Variants in DNAH1 observed in about 807,000 individuals in gnomAD.
The protein encoded by DNAH1 is axonemal beta dynein heavy chain 1.
In DNAH1, 327 loss-of-function variants were observed where a neutral mutation model predicts 484.3. The observed-to-expected ratio is 0.68, with a 90% CI of 0.62 to 0.74. The LOEUF (loss-of-function observed/expected upper bound fraction) is 0.74. DNAH1 is among the 30% of genes least tolerant of loss of function. DNAH1 has a pLI of 0.00. For synonymous variants in DNAH1, 2,192 were observed against 2,191.9 expected (o/e 1.00, Z 0.00); for missense variants, 5,052 against 5,546.8 (o/e 0.91, Z 2.83).
intron 52 of DNAH1, among the ~76,000 whole-genome samples, chr3:52,384,335 G>A (rs930099109): frequency 6.6e-6 from 1 of 152,200 alleles, no homozygotes; most frequent in Admixed American, 6.5e-5. Flanking sequence ...ACAGATGGGG[G>A]TGTAGATTTG....
chr3:52,371,508 G>A (rs981567932), intron 41 of DNAH1, among the ~76,000 whole-genome samples: 2 of 152,372 alleles, frequency 1.3e-5, no homozygotes, highest in Middle Eastern at 3.4e-3. Context: ...GTGTTGGGAA[G>A]ACTGGACCTA....
chr3:52,378,209 G>A lies in DNAH1; in HGVS notation c.7199-393G>A, dbSNP rs149830831. ...CTCCAAGCCTCCCCACGCCCACTCC[G>A]GCATCTTGAGGCCTACGTGGATCAT... On this transcript the variant is annotated intron_variant, in intron 46 of 77. Transcript: ENST00000420323. 3.3e-5 allele frequency among the ~76,000 whole-genome samples: 5 copies of A among 151,974 alleles called. No individual in the cohort carries two copies. In the East Asian group the frequency reaches 5.8e-4, roughly 18 times the overall value.
intron 8 of DNAH1, among the ~76,000 whole-genome samples, chr3:52,333,039 A>G (rs1456019541): frequency 6.6e-6 from 1 of 152,006 alleles, no homozygotes; most frequent in Non-Finnish European, 1.5e-5. Flanking sequence ...GGCATGTACC[A>G]CAACATCTGG....
In DNAH1 at chr3:52,362,465, C is replaced by T. The variant is rs767342326; in HGVS notation, c.5058C>T (p.Gly1686=). Residue 1686 remains glycine (G), a synonymous_variant, in exon 31 of 78, where the codon GGC becomes GGT. Transcript: ENST00000420323. The surrounding 1 kb of genome is among the most constrained non-coding windows in gnomAD (Gnocchi z 5.1). ...CAGTGTTTATCACCATGAACCCGGG[C>T]TACGCTGGCCGCACGGAGCTGCCTG... is the stretch of plus-strand genomic sequence containing the variant. ...SCAVFITMNP[G]YAGRTELPDN... is the part of the protein sequence containing the mutation. 8.1e-6 allele frequency: 13 copies of T among 1,613,980 alleles called. No individual in the cohort carries two copies. The South Asian group carries it at 1.2e-4, about 15-fold the overall frequency.
In DNAH1 at chr3:52,395,984, GC is replaced by G. The variant is rs1450235578; in HGVS notation, c.11259+307del. On this transcript the variant is annotated intron_variant, in intron 70 of 77. Coordinates refer to ENST00000420323, the MANE Select transcript of DNAH1 (RefSeq NM_015512.5). The surrounding 1 kb of genome is among the most constrained non-coding windows in gnomAD (Gnocchi z 4.4). Reference sequence around the variant, plus strand: ...GACGGAGTCTCACTCTGTCACCGGGGCTGGGGTGCAGTGGTGCAATCTCGGT... The same window carrying G: ...GACGGAGTCTCACTCTGTCACCGGGGTGGGGTGCAGTGGTGCAATCTCGGT... Among the ~76,000 whole-genome samples, 3 of 151,028 alleles carry G rather than the reference GC, an allele frequency of 2.0e-5. No homozygotes were observed. In the East Asian group the frequency reaches 5.8e-4, roughly 29 times the overall value.
intron 7 of DNAH1, among the ~76,000 whole-genome samples, chr3:52,331,556 G>A (rs372255829): frequency 6.6e-6 from 1 of 151,922 alleles, no homozygotes; most frequent in South Asian, 2.1e-4. Flanking sequence ...TGCCCTGGGT[G>A]TGGGATCAAG....
In DNAH1 at chr3:52,388,569, A is replaced by C; in HGVS notation, c.9323A>C (p.Lys3108Thr). The change falls in exon 58 of 78, where the codon AAG (lysine) becomes ACG (threonine). Residue 3108 changes from lysine to threonine, a missense_variant. Transcript: ENST00000420323. ...CITKKEELELKCEQCEQRLGR... is the reference protein window; with the variant it reads ...CITKKEELELTCEQCEQRLGR... ...ACCAAGAAGGAGGAGCTGGAGCTGA[A>C]GTGTGAGCAGTGTGAGCAGCGGCTG... 1 of 1,612,364 alleles carries C rather than the reference A, an allele frequency of 6.2e-7. No homozygotes were observed. The highest frequency in any genetic ancestry group is 8.5e-7 in the Non-Finnish European group (1 of 1,179,430).
chr3:52,355,018 G>A lies in DNAH1; in HGVS notation c.3656G>A (p.Arg1219His), dbSNP rs776461129. ...FSPYKKPFEQRINSWENKLKL... is the reference protein window; with the variant it reads ...FSPYKKPFEQHINSWENKLKL... Reference sequence around the variant, plus strand: ...CCCTACAAGAAGCCCTTTGAGCAGCGCATCAACTCCTGGGAGAACAAACTG... The same window carrying A: ...CCCTACAAGAAGCCCTTTGAGCAGCACATCAACTCCTGGGAGAACAAACTG... Residue 1219 changes from arginine to histidine, a missense_variant, in exon 21 of 78, where the codon CGC becomes CAC. Physicochemically the swap from Arg to His is conservative, Grantham distance 29. Coordinates refer to ENST00000420323, the MANE Select transcript of DNAH1 (RefSeq NM_015512.5). This position sits in a 1 kb window ranked among gnomAD's most constrained non-coding sequence, Gnocchi z 4.5. The A allele has an allele frequency of 4.4e-5, 71 of 1,613,720 alleles. No individual in the cohort carries two copies. Among genetic ancestry groups the A allele is most frequent in the South Asian group, 7.7e-5 (7 of 91,084 alleles).
chr3:52,374,576 C>G (rs1338098749), intron 44 of DNAH1: 2 of 1,504,148 alleles, frequency 1.3e-6, no homozygotes, highest in East Asian at 4.5e-5. Flanking sequence ...CCAGCCCACA[C>G]TTCCAGGTGG....
chr3:52,385,881 G>T (rs1265597012), intron 54 of DNAH1, among the ~76,000 whole-genome samples: 1 of 152,254 alleles, frequency 6.6e-6, no homozygotes, highest in East Asian at 1.9e-4. Context: ...AAGGCAGGAG[G>T]AGGGTCTTTC....
chr3:52,363,604 T>C (rs1019352000), intron 32 of DNAH1, among the ~76,000 whole-genome samples: 1 of 152,220 alleles, frequency 6.6e-6, no homozygotes, highest in Non-Finnish European at 1.5e-5. Flanking sequence ...CAGGCACCAG[T>C]GCTGGTGGAT....
At position 52,396,811 on chromosome 3, in the gene DNAH1, AGACTGGGGCCTGGGG is replaced by A. The variant is rs1392037333; in HGVS notation, c.11610+22_11611-35del. The A allele has an allele frequency of 2.5e-6, 4 of 1,612,712 alleles. No individual in the cohort carries two copies. Among genetic ancestry groups the A allele is most frequent in the Non-Finnish European group, 3.4e-6 (4 of 1,179,280 alleles). The stretch of plus-strand genomic sequence containing the variant: ...ATCCCCTACAAGGTGGGCCTGGGGC[AGACTGGGGCCTGGGG>A]GACTGGGCACTTAGGGGAGCCCTCA... On this transcript the variant is annotated intron_variant, in intron 72 of 77. Coordinates refer to ENST00000420323, the MANE Select transcript of DNAH1 (RefSeq NM_015512.5).
chr3:52,362,638 AG>A lies in DNAH1; in HGVS notation c.5094+141del. 1.2e-6 allele frequency: 1 copy of A among 841,606 alleles called. No homozygotes were observed. Among genetic ancestry groups the A allele is most frequent in the Admixed American group, 2.3e-5 (1 of 42,738 alleles). 52.1% of individuals were successfully genotyped at this position (841,606 alleles called of 1,614,324 possible). A position where few individuals can be genotyped will look rare whatever the true frequency, so the allele number is the denominator to read the frequency against. On this transcript the variant is annotated intron_variant, in intron 31 of 77. Transcript: ENST00000420323. This position sits in a 1 kb window ranked among gnomAD's most constrained non-coding sequence, Gnocchi z 5.1. ...CCCTATGGTAGCCCCTTAGCCATGGAGGGGAGGCCTCAGGGCCTCAGACTTG... is the reference window on the plus strand; with the variant it reads ...CCCTATGGTAGCCCCTTAGCCATGGAGGGAGGCCTCAGGGCCTCAGACTTG...
At position 52,361,093 on chromosome 3, in the gene DNAH1, A is replaced by G. The variant is rs1702837540; in HGVS notation, c.4686-71A>G. 1 of 1,355,400 alleles carries G rather than the reference A, an allele frequency of 7.4e-7. No individual in the cohort carries two copies. Among genetic ancestry groups the G allele is most frequent in the Non-Finnish European group, 9.6e-7 (1 of 1,042,436 alleles). 84.0% of individuals were successfully genotyped at this position (1,355,400 alleles called of 1,614,324 possible). A position where few individuals can be genotyped will look rare whatever the true frequency, so the allele number is the denominator to read the frequency against. ...GACGGGGCGAGAGGCCCCAGTCCACAGGAAATTCCAAGGAAAGGGGGAGTG... is the reference window on the plus strand; with the variant it reads ...GACGGGGCGAGAGGCCCCAGTCCACGGGAAATTCCAAGGAAAGGGGGAGTG... On this transcript the variant is annotated intron_variant, in intron 28 of 77. Coordinates refer to ENST00000420323, the MANE Select transcript of DNAH1 (RefSeq NM_015512.5). This position sits in a 1 kb window ranked among gnomAD's most constrained non-coding sequence, Gnocchi z 5.6.
At chr3:52,341,051 C>G (rs1472452864) in intron 8 of DNAH1, among the ~76,000 whole-genome samples, 5 of 152,058 alleles carry the variant, frequency 3.3e-5, no homozygotes, top group African/African-American at 1.2e-4. Flanking sequence ...CTTACCTTGG[C>G]TGTCCAGAAG....
At chr3:52,350,176 G>A (rs567498048) in intron 15 of DNAH1, 68 bp downstream of exon 15, 2 of 1,568,654 alleles carry the variant, frequency 1.3e-6, no homozygotes, top group East Asian at 2.3e-5. Context: ...CGAGGGCTGG[G>A]GCAGGCAGGG....
At chr3:52,375,532 T>A in intron 45 of DNAH1, 119 bp downstream of exon 45, 1 of 1,078,374 alleles carries the variant, frequency 9.3e-7, no homozygotes, top group Non-Finnish European at 1.3e-6. Context: ...ACCGCAACCC[T>A]GGGTTCACCT....
Position 52,381,439 on chromosome 3 carries a change from C to G in DNAH1, c.7609-201C>G, listed in dbSNP as rs889354031. ...ATCCCTCAGTGTTTTGAGCAACAAT[C>G]TAAGCAAGTTTATCAGTGTCTGGGA... On this transcript the variant is annotated intron_variant, in intron 48 of 77. Coordinates refer to ENST00000420323, the MANE Select transcript of DNAH1 (RefSeq NM_015512.5). This position sits in a 1 kb window ranked among gnomAD's most constrained non-coding sequence, Gnocchi z 4.1. 2.0e-5 allele frequency among the ~76,000 whole-genome samples: 3 copies of G among 152,114 alleles called. No individual in the cohort carries two copies. Among genetic ancestry groups the G allele is most frequent in the African/African-American group, 7.2e-5 (3 of 41,412 alleles).
Position 52,366,532 on chromosome 3 carries a change from G to C in DNAH1, c.5594G>C (p.Gly1865Ala). The C allele has an allele frequency of 1.3e-6, 2 of 1,596,152 alleles. No individual in the cohort carries two copies. The highest frequency in any genetic ancestry group is 1.7e-6 in the Non-Finnish European group (2 of 1,171,996). ...GGCCTCATGCTCGTCGGGCCCACAG[G>C]CTCCGGCAAGAGTACTGTAAGCAGA... ...RHGLMLVGPT[G>A]SGKSTCYRVL... The change falls in exon 35 of 78, where the codon GGC (glycine) becomes GCC (alanine). Residue 1865 changes from glycine to alanine, a missense_variant. By Grantham distance (60) the Gly-to-Ala change is moderately conservative. Coordinates refer to ENST00000420323, the MANE Select transcript of DNAH1 (RefSeq NM_015512.5).
Sources: allele counts gnomAD v4.1 joint callset (sites outside exome capture counted in the v4.1 genomes callset), GRCh38; gene constraint gnomAD v4.1.1; non-coding constraint Gnocchi (gnomAD v3.1); transcripts MANE v1.5; gene names NCBI Gene and HGNC (gene_info 2026-07-23, HGNC 2026-07-21).